Variants in RARB observed in about 807,000 individuals in gnomAD.
RARB encodes HBV-activated protein.
RARB carries 17 observed loss-of-function variants against 51.9 expected under a neutral mutation model. The observed-to-expected ratio is 0.33, with a 90% CI of 0.22 to 0.49. RARB has a LOEUF of 0.49. Among genes scored for constraint, RARB ranks in the 20% least tolerant of loss-of-function variants. RARB has a pLI of 0.99. For synonymous variants in RARB, 215 were observed against 195.4 expected (o/e 1.10, Z -0.84); for missense variants, 369 against 550.8 (o/e 0.67, Z 3.30).
chr3:25,183,090 A>G (rs1700895447), intron 5 of RARB, among the ~76,000 whole-genome samples: 1 of 152,158 alleles, frequency 6.6e-6, no homozygotes. Flanking sequence ...ACTCTAGAAA[A>G]CTGATACAGG....
intron 3 of RARB, chr3:25,555,529 A>AT (rs970107012): frequency 4.0e-5 from 6 of 151,726 alleles, no homozygotes; most frequent in African/African-American, 1.2e-4. Flanking sequence ...TCCCCAGTTA[A>AT]TTTTTTTTTC....
chr3:25,088,546 G>A (rs991408831), intron 3 of RARB, among the ~76,000 whole-genome samples: 7 of 152,092 alleles, frequency 4.6e-5, no homozygotes, highest in African/African-American at 9.7e-5. Context: ...CAAGGGAACC[G>A]GGCTGGGAAA....
chr3:25,210,358 T>A (rs1430162705), intron 5 of RARB, among the ~76,000 whole-genome samples: 5 of 151,940 alleles, frequency 3.3e-5, no homozygotes, highest in African/African-American at 1.2e-4. Flanking sequence ...CAGCAAATTA[T>A]GACCACAGGC....
chr3:25,279,861 T>C (rs185616481), intron 5 of RARB, among the ~76,000 whole-genome samples: 1 of 152,202 alleles, frequency 6.6e-6, no homozygotes, highest in Admixed American at 6.5e-5. Context: ...AGTGGTACTT[T>C]AGGAAAGAGA....
At chr3:25,390,508 G>A (rs1706920185) in intron 5 of RARB, among the ~76,000 whole-genome samples, 1 of 152,140 alleles carries the variant, frequency 6.6e-6, no homozygotes, top group African/African-American at 2.4e-5. Context: ...ACTAAGACTG[G>A]GTGAACGACA....
intron 5 of RARB, among the ~76,000 whole-genome samples, chr3:25,244,340 T>C (rs1702504039): frequency 1.3e-5 from 2 of 151,862 alleles, no homozygotes. Context: ...TAGTTGTTTC[T>C]TGTCTTCTGC....
chr3:25,238,399 C>A (rs1014517146), intron 5 of RARB, among the ~76,000 whole-genome samples: 5 of 152,054 alleles, frequency 3.3e-5, no homozygotes, highest in Non-Finnish European at 7.4e-5. Context: ...TTTCTTTATT[C>A]ATTTATCCAT....
At chr3:24,922,954 C>CA (rs1278467849) in intron 2 of RARB, among the ~76,000 whole-genome samples, 4 of 152,138 alleles carry the variant, frequency 2.6e-5, no homozygotes, top group African/African-American at 4.8e-5. Context: ...AATTACGAAT[C>CA]AAAAAGTTTA....
At chr3:24,906,123 C>T (rs1042572332) in intron 2 of RARB, among the ~76,000 whole-genome samples, 1 of 152,112 alleles carries the variant, frequency 6.6e-6, no homozygotes, top group Non-Finnish European at 1.5e-5. Context: ...GCATGAGGAC[C>T]TAGGCTAGGC....
chr3:24,985,357 T>G (rs566491296), intron 2 of RARB, among the ~76,000 whole-genome samples: 9 of 151,778 alleles, frequency 5.9e-5, no homozygotes, highest in South Asian at 4.2e-4. Context: ...TTGTTTTTTT[T>G]TTTTTTTGAC....
intron 2 of RARB, among the ~76,000 whole-genome samples, chr3:24,924,615 A>G (rs1285160640): frequency 6.6e-6 from 1 of 152,212 alleles, no homozygotes; most frequent in Non-Finnish European, 1.5e-5. Context: ...CAGTCAGTAT[A>G]TAAAGCTACA....
At chr3:25,268,805 C>G (rs901017591) in intron 5 of RARB, among the ~76,000 whole-genome samples, 2 of 152,208 alleles carry the variant, frequency 1.3e-5, no homozygotes, top group African/African-American at 4.8e-5. Context: ...TAGGACCTTT[C>G]TCTCCTCTTA....
At chr3:25,304,165 G>C (rs1704104263) in intron 5 of RARB, among the ~76,000 whole-genome samples, 1 of 152,090 alleles carries the variant, frequency 6.6e-6, no homozygotes, top group Non-Finnish European at 1.5e-5. Context: ...TCCCTAAACA[G>C]AACTGTCTGG....
At chr3:24,894,971 A>G (rs975776907) in intron 2 of RARB, among the ~76,000 whole-genome samples, 2 of 152,208 alleles carry the variant, frequency 1.3e-5, no homozygotes, top group African/African-American at 4.8e-5. Context: ...ACATATGTGG[A>G]AAAACCTTTG....
At chr3:25,247,143 T>A (rs142745296) in intron 5 of RARB, among the ~76,000 whole-genome samples, 1 of 152,190 alleles carries the variant, frequency 6.6e-6, no homozygotes, top group Non-Finnish European at 1.5e-5. Context: ...CGCCTACTCA[T>A]GCCTCAGTAA....
chr3:25,290,886 G>A, intron 5 of RARB, among the ~76,000 whole-genome samples: 1 of 152,122 alleles, frequency 6.6e-6, no homozygotes, highest in Non-Finnish European at 1.5e-5. Flanking sequence ...CAGCCATAAT[G>A]TTTTCCTTGT....
chr3:24,985,855 G>A (rs968636799), intron 2 of RARB, among the ~76,000 whole-genome samples: 4 of 152,212 alleles, frequency 2.6e-5, no homozygotes, highest in African/African-American at 4.8e-5. Context: ...GAGCCTCCAC[G>A]CATGTCAGTA....
intron 5 of RARB, among the ~76,000 whole-genome samples, chr3:25,583,912 G>T (rs878948000): frequency 6.6e-6 from 1 of 152,112 alleles, no homozygotes; most frequent in Admixed American, 6.5e-5. Flanking sequence ...GCATCCTAGG[G>T]CTGTGTTCAG....
intron 2 of RARB, among the ~76,000 whole-genome samples, chr3:24,950,008 A>G (rs1201317713): frequency 1.3e-5 from 2 of 152,232 alleles, no homozygotes; most frequent in Non-Finnish European, 2.9e-5. Flanking sequence ...AGTTGCAACA[A>G]TGTGTAACAA....
Sources: gnomAD v4.1 joint callset for allele counts (sites outside exome capture counted in the v4.1 genomes callset) on GRCh38, gnomAD v4.1.1 for gene constraint, MANE v1.5 for transcripts, NCBI Gene and HGNC (gene_info 2026-07-23, HGNC 2026-07-21) for gene names.